The following NSUN3 variants were observed in gnomAD, a reference collection of about 807,000 sequenced individuals.
NSUN3 encodes tRNA (cytosine(34)-C(5))-methyltransferase, mitochondrial.
NSUN3 carries 24 observed loss-of-function variants against 36.8 expected under a neutral mutation model. That is an observed-to-expected ratio of 0.65 (90% confidence interval 0.47 to 0.92). The LOEUF is 0.92. NSUN3 is among the 40% of genes least tolerant of loss of function. The probability of loss-of-function intolerance (pLI) is 0.00; values close to 1 mark genes in which losing one functional copy is unlikely to be tolerated. For synonymous variants in NSUN3, 146 were observed against 145.2 expected (o/e 1.01, Z -0.04); for missense variants, 381 against 392.8 (o/e 0.97, Z 0.25).
In NSUN3 at chr3:94,128,573, GTGTGTGTGTGTA is replaced by G. The variant is rs932680129; in HGVS notation, c.*2085_*2096del. On this transcript the variant is annotated 3_prime_UTR_variant, in exon 6 of 6. Coordinates refer to ENST00000314622, the MANE Select transcript of NSUN3 (RefSeq NM_022072.5). ...GATGCACGTGTGTGTGTGTGTGTGT[GTGTGTGTGTGTA>G]TATATATATATATATATAATTTTAT... The G allele has an allele frequency of 2.1e-4, 31 of 146,838 alleles. No individual in the cohort carries two copies. Among genetic ancestry groups the G allele is most frequent in the Non-Finnish European group, 3.3e-4 (22 of 67,114 alleles). 9.1% of individuals were successfully genotyped at this position (146,838 alleles called of 1,614,324 possible).
intron 5 of NSUN3, among the ~76,000 whole-genome samples, chr3:94,105,924 A>ATAAATGG (rs2077386974): frequency 6.6e-6 from 1 of 150,482 alleles, no homozygotes; most frequent in Non-Finnish European, 1.5e-5. Flanking sequence ...GCAATGGTTG[A>ATAAATGG]TAGGTCAAAG....
chr3:94,081,979 A>T (rs899148902), intron 2 of NSUN3: 3 of 151,834 alleles, frequency 2.0e-5, no homozygotes, highest in Non-Finnish European at 4.4e-5. Flanking sequence ...ATTCTGAAGA[A>T]AAAAAGAAGA....
intron 5 of NSUN3, among the ~76,000 whole-genome samples, chr3:94,101,726 A>G (rs999280639): frequency 6.6e-6 from 1 of 152,168 alleles, no homozygotes; most frequent in Non-Finnish European, 1.5e-5. Context: ...TCTCAAAATA[A>G]TTTTTGAGCC....
At position 94,094,238 on chromosome 3, in the gene NSUN3, G is replaced by T. The variant is rs1321330632; in HGVS notation, c.565G>T (p.Val189Leu). 1 of 1,613,732 alleles carries T rather than the reference G, an allele frequency of 6.2e-7. No homozygotes were observed. Among genetic ancestry groups the T allele is most frequent in the Non-Finnish European group, 8.5e-7 (1 of 1,179,832 alleles). The stretch of plus-strand genomic sequence containing the variant: ...ACAGCCTTTGATAAATGTAATTAAA[G>T]TGTCTGAATTGGATGGCAGAAAAAT... The part of the protein sequence containing the change: ...IPQPLINVIK[V>L]SELDGRKMGD... The change falls in exon 4 of 6, where the codon GTG becomes TTG. Residue 189 changes from valine to leucine, a missense_variant. Physicochemically the swap from Val to Leu is conservative, Grantham distance 32 (BLOSUM62 1). Transcript: ENST00000314622.
intron 2 of NSUN3, among the ~76,000 whole-genome samples, chr3:94,080,712 A>T (rs2077264908): frequency 6.6e-6 from 1 of 152,150 alleles, no homozygotes; most frequent in Admixed American, 6.5e-5. Context: ...GTGAGGGTAA[A>T]ACCACCTACT....
chr3:94,077,208 G>T, intron 2 of NSUN3: 1 of 669,304 alleles, frequency 1.5e-6, no homozygotes, highest in East Asian at 2.7e-5. Flanking sequence ...TACTGGAGTC[G>T]GGTGTTGCAG....
At chr3:94,077,242 G>A (rs1560030729) in intron 2 of NSUN3, 31 of 620,070 alleles carry the variant, frequency 5.0e-5, no homozygotes, top group South Asian at 9.1e-5. Flanking sequence ...GCTGCAGGCC[G>A]GATTGATTTG....
chr3:94,105,215 TGC>T (rs2077383823), intron 5 of NSUN3, among the ~76,000 whole-genome samples: 1 of 152,316 alleles, frequency 6.6e-6, no homozygotes, highest in East Asian at 1.9e-4. Context: ...GTGTTCTTTT[TGC>T]CTCCCCCGAA....
intron 5 of NSUN3, among the ~76,000 whole-genome samples, chr3:94,095,913 A>ATTTTTTTTTT (rs60524751): frequency 6.4e-5 from 8 of 124,530 alleles, no homozygotes; most frequent in Non-Finnish European, 8.3e-5. Context: ...AGCCTAGCTA[A>ATTTTTTTTTT]TTTTTTTTTT....
chr3:94,108,104 A>G (rs937989362), intron 5 of NSUN3, among the ~76,000 whole-genome samples: 3 of 150,058 alleles, frequency 2.0e-5, no homozygotes, highest in Non-Finnish European at 4.4e-5. Flanking sequence ...TTATTTTGAT[A>G]TAATTTTAAA....
intron 2 of NSUN3, among the ~76,000 whole-genome samples, chr3:94,082,896 G>A (rs1030494748): frequency 6.6e-6 from 1 of 152,074 alleles, no homozygotes; most frequent in Non-Finnish European, 1.5e-5. Context: ...CTCCATTACT[G>A]TAGAGTTCAC....
intron 2 of NSUN3, chr3:94,075,966 T>A: frequency 6.4e-7 from 1 of 1,560,394 alleles, no homozygotes. Flanking sequence ...TTATAAATGT[T>A]CTCTGCCATT....
Position 94,078,808 on chromosome 3 carries a change from A to T in NSUN3, c.123-5299A>T, listed in dbSNP as rs542024572. On this transcript the variant is annotated intron_variant, in intron 2 of 5. Transcript: ENST00000314622. Reference sequence around the variant, plus strand: ...TTGGCAAATATTCCTCCATCCCTTTATTTTGAACCTATGTGTGTCTCTGCA... The same window carrying T: ...TTGGCAAATATTCCTCCATCCCTTTTTTTTGAACCTATGTGTGTCTCTGCA... Among the ~76,000 whole-genome samples the T allele has an allele frequency of 2.0e-5, 3 of 151,926 alleles. No individual in the cohort carries two copies. The South Asian group carries it at 6.2e-4, about 32-fold the overall frequency.
intron 5 of NSUN3, among the ~76,000 whole-genome samples, chr3:94,112,373 G>T (rs1196640115): frequency 1.3e-5 from 2 of 152,154 alleles, no homozygotes; most frequent in Non-Finnish European, 2.9e-5. Context: ...TCTTCACTTA[G>T]ATTCTGCTAC....
At chr3:94,118,832 G>C (rs1050541600) in intron 5 of NSUN3, among the ~76,000 whole-genome samples, 39 of 152,020 alleles carry the variant, frequency 2.6e-4, no homozygotes, top group African/African-American at 9.2e-4. Context: ...CTTTGCCAAA[G>C]TTTATTAGTA....
chr3:94,099,698 G>A (rs1050328751), intron 5 of NSUN3, among the ~76,000 whole-genome samples: 6 of 151,592 alleles, frequency 4.0e-5, no homozygotes, highest in African/African-American at 1.2e-4. Context: ...GAAAATGATC[G>A]GAGTCCTGAC....
chr3:94,126,105 A>T, intron 5 of NSUN3, 106 bp from the exon 6 acceptor site: 2 of 876,420 alleles, frequency 2.3e-6, no homozygotes, highest in Non-Finnish European at 3.4e-6. Context: ...ATTGCAGTCT[A>T]AGTCAGAGTA....
intron 5 of NSUN3, among the ~76,000 whole-genome samples, chr3:94,110,082 G>A (rs539504817): frequency 5.3e-5 from 8 of 152,198 alleles, no homozygotes; most frequent in Admixed American, 2.6e-4. Flanking sequence ...TTTTTATTGG[G>A]TCAGGTGTAA....
chr3:94,076,389 T>C, intron 2 of NSUN3: 1 of 805,840 alleles, frequency 1.2e-6, no homozygotes, highest in Non-Finnish European at 2.3e-6. Context: ...TGGCTTGGTT[T>C]GGAAGTATTG....
Sources: allele counts gnomAD v4.1 joint callset (sites outside exome capture counted in the v4.1 genomes callset), GRCh38; gene constraint gnomAD v4.1.1; transcripts MANE v1.5; gene names NCBI Gene and HGNC (gene_info 2026-07-23, HGNC 2026-07-21).